The following EXOC4 variants were observed in gnomAD, a reference collection of about 807,000 sequenced individuals.
EXOC4 encodes the protein exocyst complex component 4, also known as SEC8-like 1.
A neutral mutation model predicts 107.2 loss-of-function variants in EXOC4; 71 were observed. The ratio of observed to expected loss-of-function variants is 0.66; its 90% CI spans 0.55 to 0.81. The LOEUF (loss-of-function observed/expected upper bound fraction) is 0.81. Ranked by LOEUF, EXOC4 falls within the 30% of genes least tolerant of loss-of-function variation. The pLI is 0.00. For synonymous variants in EXOC4, 456 were observed against 441.2 expected (o/e 1.03, Z -0.42); for missense variants, 1,108 against 1,189.6 (o/e 0.93, Z 1.01).
chr7:133,738,199 A>T (rs1292917178), intron 10 of EXOC4, among the ~76,000 whole-genome samples: 1 of 151,968 alleles, frequency 6.6e-6, no homozygotes, highest in Non-Finnish European at 1.5e-5. Context: ...GGCGTGAGCC[A>T]CCAGTGCCGA....
intron 10 of EXOC4, among the ~76,000 whole-genome samples, chr7:133,642,481 A>G (rs908308276): frequency 6.6e-6 from 1 of 152,192 alleles, no homozygotes; most frequent in African/African-American, 2.4e-5. Flanking sequence ...TTCTACTTAG[A>G]AGATCCTTGT....
intron 7 of EXOC4, among the ~76,000 whole-genome samples, chr7:133,447,005 C>A (rs576719098): frequency 6.6e-6 from 1 of 152,242 alleles, no homozygotes; most frequent in South Asian, 2.1e-4. Context: ...TTTCTATAAA[C>A]CTTTGAAGAC....
intron 14 of EXOC4, among the ~76,000 whole-genome samples, chr7:133,971,361 T>TATATATAGAG (rs1489958236): frequency 2.9e-3 from 215 of 75,022 alleles, no homozygotes; most frequent in African/African-American, 4.2e-3. Flanking sequence ...TATATATATA[T>TATATATAGAG]AGAGAGAGAG....
intron 17 of EXOC4, among the ~76,000 whole-genome samples, chr7:134,032,433 A>G (rs1435801341): frequency 6.6e-6 from 1 of 152,090 alleles, no homozygotes; most frequent in East Asian, 1.9e-4. Flanking sequence ...TGCTAATGGG[A>G]CTGATTGGCA....
At chr7:133,255,728 C>A (rs565892110) in intron 1 of EXOC4, among the ~76,000 whole-genome samples, 4 of 152,192 alleles carry the variant, frequency 2.6e-5, no homozygotes, top group Admixed American at 2.6e-4. Flanking sequence ...CCTGTTATTT[C>A]CTTCCTAATA....
At chr7:133,543,283 A>G (rs1267966996) in intron 9 of EXOC4, among the ~76,000 whole-genome samples, 2 of 152,116 alleles carry the variant, frequency 1.3e-5, no homozygotes, top group Admixed American at 6.5e-5. Context: ...TTTCTGTTCA[A>G]TATTTATTTA....
intron 10 of EXOC4, among the ~76,000 whole-genome samples, chr7:133,707,788 G>C (rs961403727): frequency 1.3e-5 from 2 of 151,986 alleles, no homozygotes; most frequent in Admixed American, 1.3e-4. Flanking sequence ...GCTAATTTTT[G>C]TATTTTTAGT....
At chr7:133,837,175 T>C (rs371015058) in intron 11 of EXOC4, among the ~76,000 whole-genome samples, 2 of 152,222 alleles carry the variant, frequency 1.3e-5, no homozygotes, top group South Asian at 2.1e-4. Context: ...ATGCCTACTA[T>C]GTGCCAGGGA....
intron 10 of EXOC4, among the ~76,000 whole-genome samples, chr7:133,694,712 T>G (rs1384145303): frequency 1.3e-5 from 2 of 152,226 alleles, no homozygotes; most frequent in Non-Finnish European, 2.9e-5. Context: ...TTCTTTATGT[T>G]GGGAACATTC....
chr7:133,799,769 G>A (rs778577178), intron 10 of EXOC4, among the ~76,000 whole-genome samples: 7 of 152,260 alleles, frequency 4.6e-5, no homozygotes, highest in Non-Finnish European at 8.8e-5. Context: ...AATATAGGGT[G>A]GGTAGTGAAG....
intron 10 of EXOC4, among the ~76,000 whole-genome samples, chr7:133,640,001 A>C (rs1409675029): frequency 1.3e-5 from 2 of 152,180 alleles, no homozygotes; most frequent in African/African-American, 4.8e-5. Flanking sequence ...TAAATTTTAA[A>C]AATCTTTTAA....
intron 10 of EXOC4, among the ~76,000 whole-genome samples, chr7:133,815,667 T>A (rs910956652): frequency 6.6e-6 from 1 of 152,176 alleles, no homozygotes; most frequent in Non-Finnish European, 1.5e-5. Context: ...TTGTGAAATA[T>A]CTCCAAGAGT....
chr7:133,401,184 T>C (rs1485694974), intron 7 of EXOC4, among the ~76,000 whole-genome samples: 3 of 151,932 alleles, frequency 2.0e-5, no homozygotes, highest in Non-Finnish European at 4.4e-5. Context: ...CTTTTTTTTT[T>C]TTTTTAAACT....
intron 9 of EXOC4, among the ~76,000 whole-genome samples, chr7:133,615,067 TATCGTCACTGA>T (rs1344516133): frequency 6.6e-6 from 1 of 152,172 alleles, no homozygotes; most frequent in Non-Finnish European, 1.5e-5. Context: ...CCTTCTATGA[TATCGTCACTGA>T]AACTAAAGCA....
chr7:134,036,820 C>T (rs999589606), intron 17 of EXOC4, among the ~76,000 whole-genome samples: 2 of 152,100 alleles, frequency 1.3e-5, no homozygotes, highest in African/African-American at 2.4e-5. Flanking sequence ...AGCTTGAATC[C>T]CACATTTTAC....
intron 10 of EXOC4, chr7:133,733,663 T>A (rs1795377140): frequency 6.6e-6 from 1 of 152,226 alleles, no homozygotes; most frequent in Non-Finnish European, 1.5e-5. Flanking sequence ...ATTTGGCATA[T>A]ACAGATATAT....
intron 9 of EXOC4, among the ~76,000 whole-genome samples, chr7:133,506,873 G>A (rs750602926): frequency 6.6e-6 from 1 of 151,496 alleles, no homozygotes; most frequent in Non-Finnish European, 1.5e-5. Flanking sequence ...AATTATTATC[G>A]AGTCTAAAAA....
intron 7 of EXOC4, among the ~76,000 whole-genome samples, chr7:133,413,020 G>A (rs1036624579): frequency 8.5e-5 from 13 of 152,064 alleles, no homozygotes; most frequent in Non-Finnish European, 1.8e-4. Context: ...GTTAATGCTG[G>A]TGCTTTAAGG....
rs531403417 is a variant in EXOC4, at chr7:133,821,077, A to G, written c.1734+3533A>G. ...TAGCCCAAGCTGATACAGCAGAGTA[A>G]CACTAGTGGTAATAATAGAAGAAGT... is the stretch of plus-strand genomic sequence containing the variant. On this transcript the variant is annotated intron_variant, in intron 11 of 17. Coordinates refer to ENST00000253861, the MANE Select transcript of EXOC4 (RefSeq NM_021807.4). Among the ~76,000 whole-genome samples the G allele has an allele frequency of 1.6e-4, 25 of 152,364 alleles. 1 individual carries two copies. The South Asian group carries it at 5.2e-3, about 32-fold the overall frequency.
Sources: gnomAD v4.1 joint callset for allele counts (sites outside exome capture counted in the v4.1 genomes callset) on GRCh38, gnomAD v4.1.1 for gene constraint, MANE v1.5 for transcripts, NCBI Gene and HGNC (gene_info 2026-07-23, HGNC 2026-07-21) for gene names.